KCNK10: variants seen among roughly 807,000 people sequenced by gnomAD.
KCNK10 encodes the protein potassium two pore domain channel subfamily K member 10, also known as potassium channel subfamily K member 10.
A neutral mutation model predicts 47.7 loss-of-function variants in KCNK10; 25 were observed. That is an observed-to-expected ratio of 0.52 (90% CI 0.38 to 0.73). KCNK10 has a LOEUF of 0.73. Ranked by LOEUF, KCNK10 falls within the 30% of genes least tolerant of loss-of-function variation. The pLI, the probability that KCNK10 is intolerant of heterozygous loss-of-function variation, is 0.00. For missense variants in KCNK10, 563 were observed against 714.5 expected (o/e 0.79, Z 2.42); for synonymous variants, 303 against 285.6 (o/e 1.06, Z -0.61).
intron 2 of KCNK10, among the ~76,000 whole-genome samples, chr14:88,258,888 C>A (rs922651691): frequency 6.6e-6 from 1 of 152,132 alleles, no homozygotes; most frequent in Admixed American, 6.5e-5. Context: ...TTGAGGGTAT[C>A]ATGCTTCTCT....
At chr14:88,218,139 G>A (rs556909819) in intron 4 of KCNK10, among the ~76,000 whole-genome samples, 62 of 152,172 alleles carry the variant, frequency 4.1e-4, no homozygotes, top group African/African-American at 1.4e-3. Flanking sequence ...GATTACAGAC[G>A]TGGACCACTG....
chr14:88,276,835 T>C (rs1006455704), intron 1 of KCNK10, among the ~76,000 whole-genome samples: 1 of 152,254 alleles, frequency 6.6e-6, no homozygotes, highest in African/African-American at 2.4e-5. Context: ...CCTCTTTCTC[T>C]GCTCAGCTAC....
chr14:88,319,096 C>T (rs571000604), intron 1 of KCNK10, among the ~76,000 whole-genome samples: 119 of 152,226 alleles, frequency 7.8e-4, no homozygotes, highest in African/African-American at 2.8e-3. Context: ...CCTACACAAA[C>T]AGTAACGCTC....
intron 1 of KCNK10, among the ~76,000 whole-genome samples, chr14:88,289,352 C>T (rs1887830536): frequency 6.6e-6 from 1 of 152,156 alleles, no homozygotes; most frequent in Non-Finnish European, 1.5e-5. Context: ...GAAGCAGGGC[C>T]CCATTAGTGT....
At chr14:88,261,394 C>A (rs1887107495) in intron 2 of KCNK10, among the ~76,000 whole-genome samples, 1 of 152,186 alleles carries the variant, frequency 6.6e-6, no homozygotes. Context: ...GCATGCTAGG[C>A]TTTAAATCTG....
chr14:88,218,142 G>A (rs1423481912), intron 4 of KCNK10, among the ~76,000 whole-genome samples: 1 of 152,100 alleles, frequency 6.6e-6, no homozygotes, highest in Non-Finnish European at 1.5e-5. Flanking sequence ...TACAGACGTG[G>A]ACCACTGCGC....
intron 4 of KCNK10, among the ~76,000 whole-genome samples, chr14:88,205,885 C>T (rs1365530754): frequency 6.6e-6 from 1 of 152,030 alleles, no homozygotes; most frequent in Non-Finnish European, 1.5e-5. Context: ...TTTAGCACCT[C>T]AAGAAAATAT....
Position 88,231,101 on chromosome 14 carries a change from C to T in KCNK10, c.521-3566G>A, listed in dbSNP as rs1886148388. Among the ~76,000 whole-genome samples the T allele has an allele frequency of 2.6e-5, 4 of 151,864 alleles. No individual in the cohort carries two copies. In the South Asian group the frequency reaches 8.3e-4, roughly 32 times the overall value. On this transcript the variant is annotated intron_variant, in intron 3 of 6. Coordinates refer to ENST00000319231, the MANE Select transcript of KCNK10 (RefSeq NM_138317.3). Reference sequence around the variant, plus strand: ...ACCAGCCTGAACAATATTGTGAGCCCTTGTCTCTACAAAAAAAAAATTTTT... The same window carrying T: ...ACCAGCCTGAACAATATTGTGAGCCTTTGTCTCTACAAAAAAAAAATTTTT...
intron 4 of KCNK10, among the ~76,000 whole-genome samples, chr14:88,206,656 A>C (rs1322723668): frequency 6.6e-6 from 1 of 152,232 alleles, no homozygotes; most frequent in African/African-American, 2.4e-5. Context: ...GCATTTGGAG[A>C]TATTGCATTC....
chr14:88,273,296 C>A (rs773978431), intron 1 of KCNK10, among the ~76,000 whole-genome samples: 1 of 152,138 alleles, frequency 6.6e-6, no homozygotes, highest in African/African-American at 2.4e-5. Context: ...GATCTTATCC[C>A]AGTCTCTGTC....
At chr14:88,247,524 C>T (rs975497746) in intron 2 of KCNK10, among the ~76,000 whole-genome samples, 1 of 152,214 alleles carries the variant, frequency 6.6e-6, no homozygotes, top group Non-Finnish European at 1.5e-5. Flanking sequence ...AAATATTAGC[C>T]TTTCCTCAGG....
intron 1 of KCNK10, among the ~76,000 whole-genome samples, chr14:88,284,028 T>G (rs186660684): frequency 6.6e-6 from 1 of 152,310 alleles, no homozygotes; most frequent in East Asian, 1.9e-4. Context: ...TATCATATAT[T>G]AAGTTTAACA....
At chr14:88,273,726 G>T (rs981326981) in intron 1 of KCNK10, among the ~76,000 whole-genome samples, 1 of 152,080 alleles carries the variant, frequency 6.6e-6, no homozygotes, top group African/African-American at 2.4e-5. Flanking sequence ...CATGATCAAG[G>T]CCCTAAAGGT....
chr14:88,261,941 T>A (rs536262918), intron 2 of KCNK10, among the ~76,000 whole-genome samples: 1 of 152,300 alleles, frequency 6.6e-6, no homozygotes, highest in South Asian at 2.1e-4. Flanking sequence ...TCTATTTATT[T>A]AAGAGTCAAG....
upstream of KCNK10, chr14:88,323,360 C>A (rs1888594242): frequency 4.3e-6 from 4 of 928,954 alleles, no homozygotes; most frequent in Non-Finnish European, 5.1e-6. Flanking sequence ...CCCCCACTTC[C>A]CGCTCCCCGA....
In KCNK10 at chr14:88,260,180, T is replaced by C. The variant is rs1330442964; in HGVS notation, c.402+3022A>G. 6.6e-6 allele frequency among the ~76,000 whole-genome samples: 1 copy of C among 152,126 alleles called. No homozygotes were observed. Among genetic ancestry groups the C allele is most frequent in the East Asian group, 1.9e-4 (1 of 5,188 alleles). On this transcript the variant is annotated intron_variant, in intron 2 of 6. Coordinates refer to ENST00000319231, the MANE Select transcript of KCNK10 (RefSeq NM_138317.3). The surrounding 1 kb of genome is among the most constrained non-coding windows in gnomAD (Gnocchi z 4.5). ...TTGGTCTCGAACTCCTGATCTCAGGTCATCCACCCACCTTGGCCTCCCAAA... is the reference window on the plus strand; with the variant it reads ...TTGGTCTCGAACTCCTGATCTCAGGCCATCCACCCACCTTGGCCTCCCAAA...
upstream of KCNK10, chr14:88,323,365 C>T (rs1595137814): frequency 1.1e-6 from 1 of 914,086 alleles, no homozygotes; most frequent in Non-Finnish European, 1.3e-6. Flanking sequence ...ACTTCCCGCT[C>T]CCCGAAAGCC....
intron 2 of KCNK10, among the ~76,000 whole-genome samples, chr14:88,241,546 A>T (rs1033664459): frequency 5.3e-5 from 8 of 151,842 alleles, no homozygotes; most frequent in Non-Finnish European, 1.5e-5. Flanking sequence ...AGCTACAATG[A>T]CTCCTTGATG....
At chr14:88,313,083 G>A (rs372207123) in intron 1 of KCNK10, among the ~76,000 whole-genome samples, 8 of 152,272 alleles carry the variant, frequency 5.3e-5, no homozygotes, top group African/African-American at 1.2e-4. Context: ...AGACAGACTC[G>A]GGTTCAAGTC....
Sources: allele counts gnomAD v4.1 joint callset (sites outside exome capture counted in the v4.1 genomes callset), GRCh38; gene constraint gnomAD v4.1.1; non-coding constraint Gnocchi (gnomAD v3.1); transcripts MANE v1.5; gene names NCBI Gene and HGNC (gene_info 2026-07-23, HGNC 2026-07-21).